The following LRP1B variants were observed in gnomAD, a reference collection of about 807,000 sequenced individuals.
LRP1B encodes the protein LDL receptor related protein 1B, also known as low-density lipoprotein receptor-related protein 1B.
Under a neutral mutation model 556.6 loss-of-function variants are expected in LRP1B, and 217 were observed. The observed-to-expected ratio is 0.39, with a 90% confidence interval of 0.35 to 0.44. The LOEUF (loss-of-function observed/expected upper bound fraction) is 0.44, where lower values mean the gene tolerates loss of function less well. LRP1B is among the 20% of genes least tolerant of loss of function. LRP1B has a pLI of 1.00. For missense variants in LRP1B, 5,053 were observed against 5,620.8 expected (o/e 0.90, Z 3.23); for synonymous variants, 2,047 against 1,865.8 (o/e 1.10, Z -2.50).
chr2:140,255,899 CTTCT>C (rs1372699698), intron 86 of LRP1B, among the ~76,000 whole-genome samples: 5 of 151,856 alleles, frequency 3.3e-5, no homozygotes, highest in East Asian at 1.9e-4. Context: ...AATTTTATTC[CTTCT>C]TTCTTTCATT....
At position 140,670,610 on chromosome 2, in the gene LRP1B, G is replaced by C. The variant is rs200990230; in HGVS notation, c.6799+29640C>G. On this transcript the variant is annotated intron_variant, in intron 41 of 90. Coordinates refer to ENST00000389484, the MANE Select transcript of LRP1B (RefSeq NM_018557.3). ...ATAGAAGATTGGATATTTATTCCCT[G>C]AAGGGTAAAACATAGGTTCTCTGAA... Among the ~76,000 whole-genome samples, 4 of 152,250 alleles carry C rather than the reference G, an allele frequency of 2.6e-5. No homozygotes were observed. In the East Asian group the frequency reaches 7.7e-4, roughly 29 times the overall value.
intron 84 of LRP1B, among the ~76,000 whole-genome samples, chr2:140,295,258 C>T (rs1261850320): frequency 6.6e-6 from 1 of 152,054 alleles, no homozygotes; most frequent in Non-Finnish European, 1.5e-5. Context: ...CTGTGATGCA[C>T]ATCATTTAAG....
intron 1 of LRP1B, among the ~76,000 whole-genome samples, chr2:142,066,945 G>A (rs1176145938): frequency 1.3e-5 from 2 of 151,432 alleles, no homozygotes; most frequent in Non-Finnish European, 3.0e-5. Context: ...TGTCTGCAGG[G>A]TTATGGTCCC....
chr2:141,095,046 G>A (rs927329413), intron 7 of LRP1B, among the ~76,000 whole-genome samples: 4 of 152,100 alleles, frequency 2.6e-5, no homozygotes, highest in African/African-American at 4.8e-5. Flanking sequence ...AAAGTGAATT[G>A]ATTGTGAAAG....
intron 2 of LRP1B, among the ~76,000 whole-genome samples, chr2:141,782,838 G>A (rs1558872392): frequency 6.6e-6 from 1 of 151,870 alleles, no homozygotes; most frequent in African/African-American, 2.4e-5. Context: ...TTTATTGTAT[G>A]TTTACTCTGT....
At position 140,270,354 on chromosome 2, in the gene LRP1B, A is replaced by C. The variant is rs140575089; in HGVS notation, c.13143-8T>G. 4.5e-6 allele frequency: 7 copies of C among 1,567,994 alleles called. No individual in the cohort carries two copies. The African/African-American group carries it at 8.1e-5, about 18-fold the overall frequency. ...ATCTTTCCATTAGTGCAGCTGCAACAACAAAGAAAAAAAGAACAATTTCAT... is the reference window on the plus strand; with the variant it reads ...ATCTTTCCATTAGTGCAGCTGCAACCACAAAGAAAAAAAGAACAATTTCAT... On this transcript the variant is annotated splice_polypyrimidine_tract_variant and splice_region_variant and intron_variant, in intron 85 of 90. Coordinates refer to ENST00000389484, the MANE Select transcript of LRP1B (RefSeq NM_018557.3).
intron 3 of LRP1B, among the ~76,000 whole-genome samples, chr2:141,446,280 C>T (rs1681190967): frequency 6.6e-6 from 1 of 152,044 alleles, no homozygotes; most frequent in Non-Finnish European, 1.5e-5. Context: ...TTCCTCCATT[C>T]CTTTATTTTG....
intron 84 of LRP1B, among the ~76,000 whole-genome samples, chr2:140,295,204 A>T (rs1683551377): frequency 6.6e-6 from 1 of 152,038 alleles, no homozygotes; most frequent in Non-Finnish European, 1.5e-5. Context: ...TAATATAGGG[A>T]TGTATGGATG....
At chr2:141,718,508 C>A (rs1289734660) in intron 2 of LRP1B, among the ~76,000 whole-genome samples, 1 of 152,072 alleles carries the variant, frequency 6.6e-6, no homozygotes, top group Admixed American at 6.5e-5. Context: ...ATTTAAAAAA[C>A]AAGTGAAGAT....
At chr2:142,010,710 T>G (rs1408935543) in intron 1 of LRP1B, among the ~76,000 whole-genome samples, 2 of 152,140 alleles carry the variant, frequency 1.3e-5, no homozygotes, top group Non-Finnish European at 2.9e-5. Flanking sequence ...GTATTCTGCC[T>G]ACTAAGAATC....
At chr2:141,859,108 A>G (rs1277419391) in intron 1 of LRP1B, among the ~76,000 whole-genome samples, 1 of 152,150 alleles carries the variant, frequency 6.6e-6, no homozygotes, top group African/African-American at 2.4e-5. Context: ...CATAACCTTG[A>G]GCTTACTAAA....
chr2:140,646,993 A>C (rs1204515402), intron 41 of LRP1B, among the ~76,000 whole-genome samples: 1 of 152,118 alleles, frequency 6.6e-6, no homozygotes, highest in African/African-American at 2.4e-5. Flanking sequence ...AGACAAATGA[A>C]AGGATTCAAT....
intron 1 of LRP1B, among the ~76,000 whole-genome samples, chr2:142,057,467 G>A (rs1468758574): frequency 6.6e-6 from 1 of 152,084 alleles, no homozygotes; most frequent in Non-Finnish European, 1.5e-5. Context: ...GCTTACATCT[G>A]TATCAAAGTC....
chr2:140,890,581 A>G (rs1236766092), intron 23 of LRP1B, among the ~76,000 whole-genome samples: 1 of 152,004 alleles, frequency 6.6e-6, no homozygotes, highest in African/African-American at 2.4e-5. Context: ...TAAAATAAAC[A>G]AACAAAATAA....
intron 67 of LRP1B, among the ~76,000 whole-genome samples, chr2:140,380,151 C>T (rs922646937): frequency 2.0e-4 from 30 of 152,122 alleles, no homozygotes; most frequent in African/African-American, 5.5e-4. Context: ...GTTTAAGATG[C>T]GTAAATTGAG....
intron 77 of LRP1B, among the ~76,000 whole-genome samples, chr2:140,337,233 T>G (rs1681148164): frequency 6.6e-6 from 1 of 151,916 alleles, no homozygotes; most frequent in Non-Finnish European, 1.5e-5. Context: ...CTGTTTATGA[T>G]CAGTTCTTTG....
chr2:140,788,993 A>G (rs2104980968), intron 32 of LRP1B, among the ~76,000 whole-genome samples: 1 of 152,266 alleles, frequency 6.6e-6, no homozygotes, highest in East Asian at 1.9e-4. Flanking sequence ...AACCAAACCT[A>G]CTAACACCTT....
intron 2 of LRP1B, among the ~76,000 whole-genome samples, chr2:141,545,483 G>A (rs574115205): frequency 3.9e-4 from 60 of 152,232 alleles, no homozygotes; most frequent in African/African-American, 1.4e-3. Flanking sequence ...GTAAAGCTAA[G>A]AACCTTGAGA....
At chr2:141,712,049 C>A (rs186907161) in intron 2 of LRP1B, among the ~76,000 whole-genome samples, 3 of 151,940 alleles carry the variant, frequency 2.0e-5, no homozygotes, top group Non-Finnish European at 4.4e-5. Context: ...ATATGATATA[C>A]GAAGTTGCTT....
Sources: allele counts gnomAD v4.1 joint callset (sites outside exome capture counted in the v4.1 genomes callset), GRCh38; gene constraint gnomAD v4.1.1; transcripts MANE v1.5; gene names NCBI Gene and HGNC (gene_info 2026-07-23, HGNC 2026-07-21).